The following WNT10A variants were observed in gnomAD, a reference collection of about 807,000 sequenced individuals.
WNT10A encodes protein Wnt-10a.
A neutral mutation model predicts 36.1 loss-of-function variants in WNT10A; 37 were observed. The observed-to-expected ratio is 1.02, with a 90% CI of 0.79 to 1.35. The LOEUF (loss-of-function observed/expected upper bound fraction) is 1.35. Ranked by LOEUF, WNT10A falls within the 40% of genes most tolerant of loss-of-function variation. The pLI is 0.00. For missense variants in WNT10A, 613 were observed against 601.4 expected (o/e 1.02, Z -0.20); for synonymous variants, 255 against 254.1 (o/e 1.00, Z -0.03).
chr2:218,882,768 A>C (rs887827946), intron 2 of WNT10A, among the ~76,000 whole-genome samples: 1 of 152,120 alleles, frequency 6.6e-6, no homozygotes, highest in African/African-American at 2.4e-5. Context: ...TGCTTAGTAA[A>C]CCACATTTAG....
At chr2:218,885,517 C>G (rs909584818) in intron 2 of WNT10A, among the ~76,000 whole-genome samples, 1 of 152,104 alleles carries the variant, frequency 6.6e-6, no homozygotes, top group Non-Finnish European at 1.5e-5. Context: ...CAGGGAGAGG[C>G]TTGATGGAGG....
intron 3 of WNT10A, among the ~76,000 whole-genome samples, chr2:218,891,748 A>G (rs1481453197): frequency 6.6e-6 from 1 of 152,184 alleles, no homozygotes; most frequent in African/African-American, 2.4e-5. Flanking sequence ...CTGCGCATGC[A>G]CGCTGTGGAG....
chr2:218,891,761 C>G (rs1944653475), intron 3 of WNT10A, among the ~76,000 whole-genome samples: 1 of 152,222 alleles, frequency 6.6e-6, no homozygotes, highest in East Asian at 1.9e-4. Context: ...CTGTGGAGCC[C>G]TTTCAGACCT....
Position 218,881,126 on chromosome 2 carries a change from G to T in WNT10A, c.113+18G>T. 6.3e-7 allele frequency: 1 copy of T among 1,578,166 alleles called. No individual in the cohort carries two copies. Among genetic ancestry groups the T allele is most frequent in the Non-Finnish European group, 8.6e-7 (1 of 1,161,162 alleles). On this transcript the variant is annotated intron_variant, in intron 1 of 3. Coordinates refer to ENST00000258411, the MANE Select transcript of WNT10A (RefSeq NM_025216.3). ...ATGCCCAGGTGAGCCCTCACCTCAT[G>T]CTCCGCCCTCCTAGAGAGTTGGGAC...
rs1343914032 is a variant in WNT10A at position 218,892,380 on chromosome 2, C to T, written c.757-394C>T. On this transcript the variant is annotated intron_variant, in intron 3 of 3. Transcript: ENST00000258411. Reference sequence around the variant, plus strand: ...ACACACGGCCTGGAGCGAGATACAGCGGGGCCAGCACCCTCCTGCTCCTGG... The same window carrying T: ...ACACACGGCCTGGAGCGAGATACAGTGGGGCCAGCACCCTCCTGCTCCTGG... Among the ~76,000 whole-genome samples the T allele has an allele frequency of 3.3e-5, 5 of 150,762 alleles. No homozygotes were observed. In the East Asian group the frequency reaches 7.9e-4, roughly 24 times the overall value.
At position 218,889,998 on chromosome 2, in the gene WNT10A, G is replaced by C; in HGVS notation, c.391G>C (p.Ala131Pro). ...PIFSRGFRESAFAYAIAAAGV... is the reference protein window; with the variant it reads ...PIFSRGFRESPFAYAIAAAGV... ...TTTAACCACAGGTTTCCGAGAGAGC[G>C]CTTTTGCCTACGCCATCGCAGCAGC... is the stretch of plus-strand genomic sequence containing the variant. Residue 131 changes from alanine (A) to proline (P), a missense_variant, in exon 3 of 4, where the codon GCT becomes CCT. Ala to Pro is a conservative substitution (Grantham distance 27, BLOSUM62 -1). Coordinates refer to ENST00000258411, the MANE Select transcript of WNT10A (RefSeq NM_025216.3). 6.2e-7 allele frequency: 1 copy of C among 1,612,966 alleles called. No homozygotes were observed. The highest frequency in any genetic ancestry group is 8.5e-7 in the Non-Finnish European group (1 of 1,180,042).
chr2:218,879,976 C>T (rs945805695), upstream of WNT10A, among the ~76,000 whole-genome samples: 4 of 152,138 alleles, frequency 2.6e-5, no homozygotes, highest in Non-Finnish European at 5.9e-5. Context: ...ACAAGGTGGT[C>T]CCCATGAGCC....
the WNT10A span, among the ~76,000 whole-genome samples, chr2:218,875,220 G>A: frequency 5.8e-5 from 6 of 103,256 alleles, no homozygotes; most frequent in Non-Finnish European, 9.5e-5. Context: ...ATGGAGTCTC[G>A]CTCTGTTGCC....
chr2:218,890,886 C>G (rs1944643186), intron 3 of WNT10A, among the ~76,000 whole-genome samples: 3 of 152,166 alleles, frequency 2.0e-5, no homozygotes, highest in Admixed American at 6.5e-5. Flanking sequence ...TGTTATGGTG[C>G]CTTTCTCCTT....
Position 218,880,968 on chromosome 2 carries a change from A to T in WNT10A, c.-28A>T. On this transcript the variant is annotated 5_prime_UTR_variant, in exon 1 of 4. Transcript: ENST00000258411. This position sits in a 1 kb window ranked among gnomAD's most constrained non-coding sequence, Gnocchi z 7.7. ...AGTCCCACTGGGCTGTGAGCCCCCCACTCCCAGCCCGTCAGGGCCTGCGCG... is the reference window on the plus strand; with the variant it reads ...AGTCCCACTGGGCTGTGAGCCCCCCTCTCCCAGCCCGTCAGGGCCTGCGCG... The T allele has an allele frequency of 6.4e-7, 1 of 1,550,532 alleles. No individual in the cohort carries two copies. The highest frequency in any genetic ancestry group is 8.7e-7 in the Non-Finnish European group (1 of 1,147,626).
Position 218,892,942 on chromosome 2 carries a change from C to T in WNT10A, c.925C>T (p.Gln309Ter). 6.8e-7 allele frequency: 1 copy of T among 1,466,158 alleles called. No individual in the cohort carries two copies. The highest frequency in any genetic ancestry group is 9.0e-7 in the Non-Finnish European group (1 of 1,112,492). The allele number at this position is 1,466,158 out of a possible 1,614,324, so 90.8% of individuals were successfully genotyped here. A position where few individuals can be genotyped will look rare whatever the true frequency, so the allele number is the denominator to read the frequency against. Residue 309 changes from glutamine to a stop codon, truncating the protein, a stop_gained, in exon 4 of 4, where the codon CAG becomes TAG. Coordinates refer to ENST00000258411, the MANE Select transcript of WNT10A (RefSeq NM_025216.3). LOFTEE classifies it high-confidence loss of function. ...LIRPHNRNGGQLEPGPAGAPS... is the reference protein window; with the variant it reads ...LIRPHNRNGG ...CCGGCCGCACAACCGCAACGGCGGC[C>T]AGCTGGAGCCGGGCCCAGCGGGGGC...
At position 218,881,045 on chromosome 2, in the gene WNT10A, A is replaced by T; in HGVS notation, c.50A>T (p.Gln17Leu). The change falls in exon 1 of 4, where the codon CAG becomes CTG. Residue 17 changes from glutamine (Q) to leucine (L), a missense_variant. Transcript: ENST00000258411. The part of the protein sequence containing the change: ...RPWLRLRPQP[Q>L]PRPALWVLLF... ...TGGCTGCGGCTCCGACCCCAGCCCC[A>T]GCCGCGGCCAGCGCTCTGGGTGCTC... is the stretch of plus-strand genomic sequence containing the variant. 1 of 1,603,340 alleles carries T rather than the reference A, an allele frequency of 6.2e-7. No homozygotes were observed.
intron 2 of WNT10A, among the ~76,000 whole-genome samples, chr2:218,884,687 C>A (rs1317661364): frequency 6.6e-6 from 1 of 152,242 alleles, no homozygotes; most frequent in East Asian, 1.9e-4. Flanking sequence ...ATTTCCCAGT[C>A]CATCTTGGCC....
Position 218,882,302 on chromosome 2 carries a change from C to A in WNT10A, c.255C>A (p.Ala85=). The change falls in exon 2 of 4, where the codon GCC becomes GCA. Residue 85 remains alanine (A), a synonymous_variant. Coordinates refer to ENST00000258411, the MANE Select transcript of WNT10A (RefSeq NM_025216.3). ...GTCACCCTGATGTGGCTGCCTCAGC[C>A]ATACAGGGCATCCAGATCGCCATCC... ...CVRHPDVAAS[A]IQGIQIAIHE... The A allele has an allele frequency of 6.2e-7, 1 of 1,614,198 alleles. No homozygotes were observed. The highest frequency in any genetic ancestry group is 1.7e-5 in the Admixed American group (1 of 60,026).
At position 218,881,144 on chromosome 2, in the gene WNT10A, G is replaced by A. The variant is rs1944508321; in HGVS notation, c.113+36G>A. On this transcript the variant is annotated intron_variant, in intron 1 of 3. Coordinates refer to ENST00000258411, the MANE Select transcript of WNT10A (RefSeq NM_025216.3). ...ACCTCATGCTCCGCCCTCCTAGAGAGTTGGGACCCCGGCCTGCAGGGGCCT... is the reference window on the plus strand; with the variant it reads ...ACCTCATGCTCCGCCCTCCTAGAGAATTGGGACCCCGGCCTGCAGGGGCCT... 3 of 1,563,406 alleles carry A rather than the reference G, an allele frequency of 1.9e-6. No individual in the cohort carries two copies. The African/African-American group carries it at 4.1e-5, about 21-fold the overall frequency.
At position 218,893,214 on chromosome 2, in the gene WNT10A, C is replaced by T; in HGVS notation, c.1197C>T (p.Cys399=). 6.4e-7 allele frequency: 1 copy of T among 1,573,842 alleles called. No individual in the cohort carries two copies. The highest frequency in any genetic ancestry group is 1.7e-4 in the Middle Eastern group (1 of 5,764). The change falls in exon 4 of 4, where the codon TGC becomes TGT. Residue 399 remains cysteine, a synonymous_variant. Coordinates refer to ENST00000258411, the MANE Select transcript of WNT10A (RefSeq NM_025216.3). The surrounding 1 kb of genome is among the most constrained non-coding windows in gnomAD (Gnocchi z 6.3). ...GCTGCCACTGCCGCTTCCACTGGTGCTGTTTCGTGGTCTGCGAAGAGTGCC... is the reference window on the plus strand; with the variant it reads ...GCTGCCACTGCCGCTTCCACTGGTGTTGTTTCGTGGTCTGCGAAGAGTGCC... ...SERCHCRFHW[C]CFVVCEECRI... is the part of the protein sequence containing the mutation.
chr2:218,882,321 G>A lies in WNT10A; in HGVS notation c.274G>A (p.Ala92Thr), dbSNP rs572942384. The change falls in exon 2 of 4, where the codon GCC (alanine) becomes ACC (threonine). Residue 92 changes from alanine (A) to threonine (T), a missense_variant. By Grantham distance (58) the Ala-to-Thr change is moderately conservative (BLOSUM62 0). Coordinates refer to ENST00000258411, the MANE Select transcript of WNT10A (RefSeq NM_025216.3). ...AASAIQGIQI[A>T]IHECQHQFRD... ...CTCAGCCATACAGGGCATCCAGATCGCCATCCACGAATGCCAACACCAATT... is the reference window on the plus strand; with the variant it reads ...CTCAGCCATACAGGGCATCCAGATCACCATCCACGAATGCCAACACCAATT... 1.2e-5 allele frequency: 20 copies of A among 1,613,988 alleles called. No homozygotes were observed. The highest frequency in any genetic ancestry group is 2.2e-5 in the South Asian group (2 of 91,078).
chr2:218,889,221 A>G (rs1944616838), intron 2 of WNT10A, among the ~76,000 whole-genome samples: 1 of 152,178 alleles, frequency 6.6e-6, no homozygotes. Context: ...AATAGTCTCA[A>G]ATTCCATCCA....
At position 218,880,909 on chromosome 2, in the gene WNT10A, C is replaced by G; in HGVS notation, c.-87C>G. 6.9e-7 allele frequency: 1 copy of G among 1,444,468 alleles called. No individual in the cohort carries two copies. The highest frequency in any genetic ancestry group is 1.5e-5 in the South Asian group (1 of 68,384). 89.5% of individuals were successfully genotyped at this position (1,444,468 alleles called of 1,614,324 possible). A position where few individuals can be genotyped will look rare whatever the true frequency, so the allele number is the denominator to read the frequency against. ...CTGTGTGTCGCAGCCGCCCCGACCC[C>G]CCGCCGATCATGCGCCGGCGCCCCT... On this transcript the variant is annotated 5_prime_UTR_variant, in exon 1 of 4. Transcript: ENST00000258411. This position sits in a 1 kb window ranked among gnomAD's most constrained non-coding sequence, Gnocchi z 7.7.
Sources: gnomAD v4.1 joint callset for allele counts (sites outside exome capture counted in the v4.1 genomes callset) on GRCh38, gnomAD v4.1.1 for gene constraint, Gnocchi (gnomAD v3.1) non-coding constraint, MANE v1.5 for transcripts, NCBI Gene and HGNC (gene_info 2026-07-23, HGNC 2026-07-21) for gene names.